The following EDRF1 variants were observed in gnomAD, a reference collection of about 807,000 sequenced individuals.
EDRF1 encodes erythroid differentiation-related factor 1.
In EDRF1, 69 loss-of-function variants were observed where a neutral mutation model predicts 148.7. That is an observed-to-expected ratio of 0.46 (90% confidence interval 0.38 to 0.57). EDRF1 has a LOEUF of 0.57. Ranked by LOEUF, EDRF1 falls within the 20% of genes least tolerant of loss-of-function variation. The probability of loss-of-function intolerance (pLI) is 0.00; values close to 1 mark genes in which losing one functional copy is unlikely to be tolerated. For synonymous variants in EDRF1, 515 were observed against 532.8 expected, an observed-to-expected ratio of 0.97 and a Z score of 0.46; for missense variants, 1,118 against 1,478.7, an observed-to-expected ratio of 0.76 and a Z score of 4.00.
At chr10:125,740,699 AC>A (rs1199613031) in intron 16 of EDRF1, 48 bp downstream of exon 16, 2 of 1,568,156 alleles carry the variant, frequency 1.3e-6, no homozygotes, top group Non-Finnish European at 1.7e-6. Context: ...GGAAGAGAGA[AC>A]AGAGAAGGCA....
In EDRF1 at chr10:125,752,851, A is replaced by G. The variant is rs771620062; in HGVS notation, c.3330A>G (p.Ile1110Met). Residue 1110 changes from isoleucine (I) to methionine (M), a missense_variant, in exon 23 of 25, where the codon ATA becomes ATG. Ile to Met is a conservative substitution (Grantham distance 10). Transcript: ENST00000356792. Reference sequence around the variant, plus strand: ...AAACACTATCTGGGGCTCTTGATATAATGGTGAGAACTGAGCACGCATTCC... The same window carrying G: ...AAACACTATCTGGGGCTCTTGATATGATGGTGAGAACTGAGCACGCATTCC... ...KLKTLSGALDIMVRTEHAFQL... is the reference protein window; with the variant it reads ...KLKTLSGALDMMVRTEHAFQL... 4 of 1,614,072 alleles carry G rather than the reference A, an allele frequency of 2.5e-6. No homozygotes were observed. In the South Asian group the frequency reaches 4.4e-5, roughly 18 times the overall value.
intron 6 of EDRF1, among the ~76,000 whole-genome samples, chr10:125,728,206 A>G (rs1275949259): frequency 6.6e-6 from 1 of 151,702 alleles, no homozygotes; most frequent in African/African-American, 2.4e-5. Flanking sequence ...AAAAAAAAAA[A>G]AGTATTCCAG....
chr10:125,759,278 G>A (rs1000456697), intron 24 of EDRF1, among the ~76,000 whole-genome samples: 1 of 152,158 alleles, frequency 6.6e-6, no homozygotes, highest in African/African-American at 2.4e-5. Flanking sequence ...ACTGGCATCT[G>A]GCTGCATCTG....
intron 24 of EDRF1, among the ~76,000 whole-genome samples, chr10:125,762,295 T>G (rs1850228170): frequency 6.6e-6 from 1 of 152,218 alleles, no homozygotes; most frequent in African/African-American, 2.4e-5. Flanking sequence ...ACATGACATT[T>G]TGACCTTAGT....
chr10:125,749,697 G>A (rs1017655659), intron 22 of EDRF1, 132 bp downstream of exon 22: 17 of 1,043,448 alleles, frequency 1.6e-5, no homozygotes, highest in African/African-American at 6.3e-5. Flanking sequence ...ATGACTTCGG[G>A]TAGAGAGGGT....
At chr10:125,735,929 AT>A in intron 13 of EDRF1, 25 bp downstream of exon 13, 1 of 1,569,958 alleles carries the variant, frequency 6.4e-7, no homozygotes, top group Non-Finnish European at 8.7e-7. Context: ...TTTATATTAA[AT>A]TTTTATCAAG....
At chr10:125,746,024 A>C in intron 19 of EDRF1, 94 bp downstream of exon 19, 1 of 1,137,402 alleles carries the variant, frequency 8.8e-7, no homozygotes, top group Non-Finnish European at 1.3e-6. Flanking sequence ...AAAACTAAAA[A>C]TAATTAAACT....
chr10:125,743,549 A>T (rs891198489), intron 18 of EDRF1, among the ~76,000 whole-genome samples: 1 of 152,202 alleles, frequency 6.6e-6, no homozygotes, highest in Non-Finnish European at 1.5e-5. Flanking sequence ...GCCAGGCTCT[A>T]TGTTGGATAT....
chr10:125,731,938 G>C, intron 9 of EDRF1: 1 of 447,246 alleles, frequency 2.2e-6, no homozygotes, highest in Non-Finnish European at 4.5e-6. Flanking sequence ...GAGTTGCCCA[G>C]GGTCAACTTA....
chr10:125,720,778 C>T (rs894156573), intron 1 of EDRF1, among the ~76,000 whole-genome samples: 1 of 149,336 alleles, frequency 6.7e-6, no homozygotes, highest in Non-Finnish European at 1.5e-5. Context: ...TCCACTGCAC[C>T]CTAGCCTGGG....
In EDRF1 at chr10:125,746,018, C is replaced by T. The variant is rs572737384; in HGVS notation, c.2814+88C>T. On this transcript the variant is annotated intron_variant, in intron 19 of 24. Transcript: ENST00000356792. ...CCAGTTTCACTAAAATACTATAAAA[C>T]TAAAAATAATTAAACTCTGCTAATG... The T allele has an allele frequency of 9.3e-5, 116 of 1,247,090 alleles. No homozygotes were observed. The Middle Eastern group carries it at 1.6e-3, about 17-fold the overall frequency. The allele number at this position is 1,247,090 out of a possible 1,614,324, so 77.3% of individuals were successfully genotyped here. A position where few individuals can be genotyped will look rare whatever the true frequency, so the allele number is the denominator to read the frequency against.
intron 22 of EDRF1, among the ~76,000 whole-genome samples, chr10:125,750,134 G>A (rs1222444024): frequency 6.6e-6 from 1 of 152,018 alleles, no homozygotes; most frequent in Non-Finnish European, 1.5e-5. Flanking sequence ...GAGCAAGACT[G>A]TGTCTCAAAA....
At chr10:125,743,654 A>G (rs1034707359) in intron 18 of EDRF1, among the ~76,000 whole-genome samples, 4 of 152,210 alleles carry the variant, frequency 2.6e-5, no homozygotes, top group African/African-American at 7.2e-5. Flanking sequence ...ACGAAGTATA[A>G]TGGGAGACTG....
intron 6 of EDRF1, among the ~76,000 whole-genome samples, chr10:125,726,714 A>T (rs1430470460): frequency 6.6e-6 from 1 of 152,250 alleles, no homozygotes; most frequent in Non-Finnish European, 1.5e-5. Context: ...AAAGCATCCC[A>T]TAAAACTCCA....
chr10:125,745,531 A>G, intron 18 of EDRF1, 176 bp from the exon 19 acceptor site: 1 of 653,848 alleles, frequency 1.5e-6, no homozygotes, highest in Non-Finnish European at 2.7e-6. Flanking sequence ...TCATATGGAC[A>G]CGTTTACCTT....
In EDRF1 at chr10:125,733,735, C is replaced by A; in HGVS notation, c.1377C>A (p.Leu459=). ...CATTCACAATGCCGGTAGCCATTCT[C>A]TTGTACAAGTGAGTGCTTTAAGAAT... ...QNPFTMPVAI[L]LYKVACNMMM... is the part of the protein sequence containing the mutation. Residue 459 remains leucine, a synonymous_variant, in exon 11 of 25, where the codon CTC becomes CTA. Transcript: ENST00000356792. The A allele has an allele frequency of 6.2e-7, 1 of 1,611,718 alleles. No individual in the cohort carries two copies. The highest frequency in any genetic ancestry group is 1.1e-5 in the South Asian group (1 of 90,964).
At chr10:125,721,449 C>T (rs1847999526) in intron 2 of EDRF1, 37 bp downstream of exon 2, 1 of 1,576,842 alleles carries the variant, frequency 6.3e-7, no homozygotes. Flanking sequence ...CCTGCCCCTC[C>T]ACCCTCACTT....
At chr10:125,762,263 G>C (rs144054649) in intron 24 of EDRF1, among the ~76,000 whole-genome samples, 1 of 152,174 alleles carries the variant, frequency 6.6e-6, no homozygotes, top group African/African-American at 2.4e-5. Context: ...AGGTGAAAGA[G>C]CATAGCATTT....
chr10:125,756,127 T>C (rs1177071314), intron 24 of EDRF1, among the ~76,000 whole-genome samples: 5 of 152,220 alleles, frequency 3.3e-5, no homozygotes, highest in Admixed American at 3.3e-4. Flanking sequence ...ACATCTCATA[T>C]ATTTTTGTAT....
Sources: gnomAD v4.1 joint callset for allele counts (sites outside exome capture counted in the v4.1 genomes callset) on GRCh38, gnomAD v4.1.1 for gene constraint, MANE v1.5 for transcripts, NCBI Gene and HGNC (gene_info 2026-07-23, HGNC 2026-07-21) for gene names.